Variants in ZNF704 observed in about 807,000 individuals in gnomAD.
ZNF704 encodes the protein zinc finger protein 704.
In ZNF704, 10 loss-of-function variants were observed where a neutral mutation model predicts 44.7. The ratio of observed to expected loss-of-function variants is 0.22; its 90% CI spans 0.14 to 0.38. The LOEUF (loss-of-function observed/expected upper bound fraction) is 0.38, where lower values mean the gene tolerates loss of function less well. ZNF704 is among the 10% of genes least tolerant of loss of function. ZNF704 has a pLI of 1.00. For missense variants in ZNF704, 390 were observed against 545.5 expected, an observed-to-expected ratio of 0.71 and a Z score of 2.84; for synonymous variants, 211 against 207.6, an observed-to-expected ratio of 1.02 and a Z score of -0.14.
At chr8:80,692,829 T>A (rs1314803443) in intron 3 of ZNF704, among the ~76,000 whole-genome samples, 175 bp downstream of exon 3, 1 of 152,104 alleles carries the variant, frequency 6.6e-6, no homozygotes, top group Non-Finnish European at 1.5e-5. Context: ...CCTGGGAAGA[T>A]GAAGAGGGGG....
intron 1 of ZNF704, among the ~76,000 whole-genome samples, chr8:80,833,513 T>C (rs1436160481): frequency 1.3e-5 from 2 of 152,242 alleles, no homozygotes; most frequent in South Asian, 2.1e-4. Flanking sequence ...AAAAATATGT[T>C]GGACGGCAAA....
chr8:80,657,693 G>GAAA (rs796181687), intron 7 of ZNF704, among the ~76,000 whole-genome samples: 1 of 78,330 alleles, frequency 1.3e-5, no homozygotes, highest in Non-Finnish European at 3.2e-5. Flanking sequence ...CCTGTTTCAA[G>GAAA]AAAAAAAAAA....
intron 1 of ZNF704, among the ~76,000 whole-genome samples, chr8:80,856,776 C>G (rs975816237): frequency 7.6e-4 from 116 of 152,146 alleles, no homozygotes; most frequent in African/African-American, 2.8e-3. Context: ...GTTCTGAAAT[C>G]AAGTAGATTA....
At chr8:80,679,892 T>C (rs899204823) in intron 4 of ZNF704, among the ~76,000 whole-genome samples, 1 of 152,190 alleles carries the variant, frequency 6.6e-6, no homozygotes, top group Non-Finnish European at 1.5e-5. Context: ...TCAACATTGA[T>C]GCTGTGGGCC....
intron 7 of ZNF704, among the ~76,000 whole-genome samples, chr8:80,655,789 C>CTGA (rs954510371): frequency 1.3e-5 from 2 of 152,162 alleles, no homozygotes; most frequent in Non-Finnish European, 2.9e-5. Flanking sequence ...GTTTTAACCT[C>CTGA]ATATAATTCT....
At chr8:80,644,079 C>T (rs533436982) in intron 7 of ZNF704, among the ~76,000 whole-genome samples, 11 of 152,294 alleles carry the variant, frequency 7.2e-5, no homozygotes, top group African/African-American at 2.6e-4. Flanking sequence ...TGAGCGCTCA[C>T]TATGTGCAGG....
At chr8:80,875,493 A>G (rs112807455), upstream of ZNF704, among the ~76,000 whole-genome samples, 21,422 of 152,038 alleles carry the variant, frequency 0.14, 2,492 homozygotes, top group African/African-American at 0.33. Flanking sequence ...TCGTAGAGAC[A>G]GGGTTTCACC....
intron 2 of ZNF704, among the ~76,000 whole-genome samples, chr8:80,774,355 C>T (rs770254440): frequency 2.6e-5 from 4 of 152,128 alleles, no homozygotes; most frequent in Non-Finnish European, 4.4e-5. Context: ...CAGGTGTGAG[C>T]CACTACAACC....
At chr8:80,643,781 T>C (rs1360710099) in intron 7 of ZNF704, among the ~76,000 whole-genome samples, 1 of 152,202 alleles carries the variant, frequency 6.6e-6, no homozygotes. Flanking sequence ...TTGATCCTCA[T>C]GAACCCTGTC....
At position 80,719,188 on chromosome 8, in the gene ZNF704, C is replaced by T. The variant is rs187454092; in HGVS notation, c.222-26081G>A. Among the ~76,000 whole-genome samples, 89 of 152,066 alleles carry T rather than the reference C, an allele frequency of 5.9e-4. 2 individuals carry two copies. The highest frequency in any genetic ancestry group is 7.7e-4 in the East Asian group (4 of 5,182). ...ATGGGGTTTTGCCATGTTGCCCAGG[C>T]TGCTCTCAAACTCCTGGGCTTAAAT... On this transcript the variant is annotated intron_variant, in intron 2 of 8. Coordinates refer to ENST00000327835, the MANE Select transcript of ZNF704 (RefSeq NM_001033723.3).
At chr8:80,681,356 C>T (rs1312092747) in intron 4 of ZNF704, among the ~76,000 whole-genome samples, 5 of 152,154 alleles carry the variant, frequency 3.3e-5, no homozygotes, top group African/African-American at 1.2e-4. Flanking sequence ...AATGAGAGTT[C>T]CTGTTGCCAA....
chr8:80,877,584 T>G (rs935520544), upstream of ZNF704, among the ~76,000 whole-genome samples: 2 of 152,192 alleles, frequency 1.3e-5, no homozygotes, highest in Non-Finnish European at 2.9e-5. Flanking sequence ...CTGGGAGCGC[T>G]TGCCACTCAG....
intron 2 of ZNF704, among the ~76,000 whole-genome samples, chr8:80,766,659 A>G (rs1807233113): frequency 6.6e-6 from 1 of 152,212 alleles, no homozygotes; most frequent in Non-Finnish European, 1.5e-5. Context: ...TGACTTCTGT[A>G]TCACAGAATA....
At chr8:80,691,216 T>C (rs746574350) in intron 3 of ZNF704, among the ~76,000 whole-genome samples, 5 of 152,248 alleles carry the variant, frequency 3.3e-5, no homozygotes, top group Non-Finnish European at 5.9e-5. Flanking sequence ...AACCAAATTG[T>C]GTGTGAACCA....
intron 2 of ZNF704, among the ~76,000 whole-genome samples, chr8:80,701,520 CTT>C (rs1818809836): frequency 6.6e-6 from 1 of 152,146 alleles, no homozygotes; most frequent in African/African-American, 2.4e-5. Flanking sequence ...CCTGTGCTGT[CTT>C]TATCCTCCTT....
At chr8:80,787,774 T>A (rs900173051) in intron 2 of ZNF704, among the ~76,000 whole-genome samples, 1 of 152,164 alleles carries the variant, frequency 6.6e-6, no homozygotes, top group African/African-American at 2.4e-5. Context: ...CAGTTCACAT[T>A]GCACCTTATA....
intron 6 of ZNF704, 143 bp downstream of exon 6, chr8:80,664,672 C>T (rs1025171875): frequency 1.0e-6 from 1 of 997,198 alleles, no homozygotes; most frequent in African/African-American, 1.6e-5. Context: ...AGATCTTAGG[C>T]TTTAAAGGGA....
chr8:80,731,263 C>T (rs73268618), intron 2 of ZNF704, among the ~76,000 whole-genome samples: 1,560 of 152,198 alleles, frequency 0.01, 28 homozygotes, highest in African/African-American at 0.035. Flanking sequence ...ATACTTGCCA[C>T]TTAAAAACAG....
intron 2 of ZNF704, among the ~76,000 whole-genome samples, chr8:80,816,030 T>G (rs1808171619): frequency 6.6e-6 from 1 of 152,254 alleles, no homozygotes; most frequent in South Asian, 2.1e-4. Context: ...TCACTCTTTG[T>G]TAAATCAGCC....
Sources: allele counts gnomAD v4.1 joint callset (sites outside exome capture counted in the v4.1 genomes callset), GRCh38; gene constraint gnomAD v4.1.1; transcripts MANE v1.5; gene names NCBI Gene and HGNC (gene_info 2026-07-23, HGNC 2026-07-21).